EPHB1: variants seen among roughly 807,000 people sequenced by gnomAD.
The protein encoded by EPHB1 is ephrin type-B receptor 1.
EPHB1 carries 30 observed loss-of-function variants against 94.4 expected under a neutral mutation model. The observed-to-expected ratio is 0.32, with a 90% CI of 0.24 to 0.43. The LOEUF (loss-of-function observed/expected upper bound fraction) is 0.43. Ranked by LOEUF, EPHB1 falls within the 20% of genes least tolerant of loss-of-function variation. The pLI is 1.00. For missense variants in EPHB1, 1,055 were observed against 1,308.3 expected (o/e 0.81, Z 2.99); for synonymous variants, 522 against 489.1 (o/e 1.07, Z -0.89).
At chr3:135,251,224 G>C (rs1371755945) in intron 15 of EPHB1, among the ~76,000 whole-genome samples, 1 of 152,086 alleles carries the variant, frequency 6.6e-6, no homozygotes, top group Non-Finnish European at 1.5e-5. Context: ...CTGTCAAATA[G>C]ACAGCAAAAA....
At chr3:135,205,206 C>A (rs115327935) in intron 12 of EPHB1, among the ~76,000 whole-genome samples, 1,934 of 152,174 alleles carry the variant, frequency 0.013, 19 homozygotes, top group Non-Finnish European at 0.02. Context: ...CAACTGACTG[C>A]TAGTGACATT....
intron 12 of EPHB1, among the ~76,000 whole-genome samples, chr3:135,232,324 G>A (rs1284376891): frequency 6.6e-6 from 1 of 152,256 alleles, no homozygotes; most frequent in East Asian, 1.9e-4. Context: ...GCAGTAGACA[G>A]TGACTGTGGA....
At chr3:134,868,540 C>T (rs2037428953) in intron 1 of EPHB1, among the ~76,000 whole-genome samples, 1 of 152,116 alleles carries the variant, frequency 6.6e-6, no homozygotes, top group African/African-American at 2.4e-5. Flanking sequence ...TGATCTTAAT[C>T]TCCAGGCACA....
chr3:135,198,200 T>C (rs1489757843), intron 11 of EPHB1, among the ~76,000 whole-genome samples: 2 of 152,196 alleles, frequency 1.3e-5, no homozygotes. Context: ...CCATTACCAG[T>C]TGATCGGAGA....
intron 1 of EPHB1, among the ~76,000 whole-genome samples, chr3:134,811,252 T>TGTTTGTTTG (rs71637100): frequency 0.13 from 16,937 of 127,930 alleles, 2,866 homozygotes; most frequent in African/African-American, 0.37. Flanking sequence ...GTTTTTTTTT[T>TGTTTGTTTG]TTTTTTTTTT....
At chr3:134,883,381 A>C (rs1390193898) in intron 1 of EPHB1, among the ~76,000 whole-genome samples, 2 of 152,200 alleles carry the variant, frequency 1.3e-5, no homozygotes, top group Non-Finnish European at 2.9e-5. Context: ...ATTTGAACCC[A>C]GGCTGACCAA....
chr3:134,822,466 T>A (rs1578114164), intron 1 of EPHB1, among the ~76,000 whole-genome samples: 1 of 152,252 alleles, frequency 6.6e-6, no homozygotes, highest in Non-Finnish European at 1.5e-5. Flanking sequence ...TATATTTATT[T>A]ATTTTTCATT....
chr3:135,219,482 A>G (rs564878868), intron 12 of EPHB1, among the ~76,000 whole-genome samples: 27 of 152,016 alleles, frequency 1.8e-4, no homozygotes, highest in Non-Finnish European at 3.2e-4. Context: ...ATGCCAAGGA[A>G]TGTCAAGGTT....
intron 10 of EPHB1, among the ~76,000 whole-genome samples, chr3:135,185,722 G>C (rs116726532): frequency 2.6e-5 from 4 of 152,172 alleles, no homozygotes; most frequent in African/African-American, 4.8e-5. Flanking sequence ...GGGCTGTTGC[G>C]TATAGTTACA....
chr3:135,107,736 A>G (rs928203560), intron 4 of EPHB1, among the ~76,000 whole-genome samples: 1 of 152,194 alleles, frequency 6.6e-6, no homozygotes, highest in Non-Finnish European at 1.5e-5. Flanking sequence ...TTTACTGAGT[A>G]AAGAGGGGGA....
At chr3:135,188,795 C>T (rs190756993) in intron 10 of EPHB1, among the ~76,000 whole-genome samples, 249 of 152,298 alleles carry the variant, frequency 1.6e-3, no homozygotes, top group Non-Finnish European at 2.7e-3. Context: ...AACATAATCT[C>T]CTGGTGAGGA....
At chr3:134,933,477 G>A (rs2038941309) in intron 2 of EPHB1, among the ~76,000 whole-genome samples, 1 of 152,106 alleles carries the variant, frequency 6.6e-6, no homozygotes, top group African/African-American at 2.4e-5. Flanking sequence ...GGAAGGCCAG[G>A]GAGAAAGGCA....
At chr3:135,178,184 T>A (rs1344621831) in intron 9 of EPHB1, among the ~76,000 whole-genome samples, 2 of 145,978 alleles carry the variant, frequency 1.4e-5, no homozygotes, top group African/African-American at 5.2e-5. Flanking sequence ...CCAGGCGTGG[T>A]GACTCACACC....
chr3:135,205,932 T>C (rs1047304464), intron 12 of EPHB1, among the ~76,000 whole-genome samples: 1 of 152,124 alleles, frequency 6.6e-6, no homozygotes, highest in African/African-American at 2.4e-5. Context: ...TTTATAGAGT[T>C]TTTAAAAATG....
chr3:135,229,920 C>T (rs1460329267), intron 12 of EPHB1, among the ~76,000 whole-genome samples: 5 of 152,064 alleles, frequency 3.3e-5, no homozygotes, highest in African/African-American at 7.2e-5. Context: ...GAGACACATG[C>T]GAAAGGTGGA....
chr3:135,198,704 G>C (rs1199859780), intron 11 of EPHB1, among the ~76,000 whole-genome samples: 1 of 152,168 alleles, frequency 6.6e-6, no homozygotes, highest in Non-Finnish European at 1.5e-5. Context: ...CCGTTACTTA[G>C]GCTCTGCTGA....
In EPHB1 at chr3:134,833,681, G is replaced by C. The variant is rs1345777468; in HGVS notation, c.58+37992G>C. 2.0e-5 allele frequency among the ~76,000 whole-genome samples: 3 copies of C among 152,182 alleles called. No individual in the cohort carries two copies. In the East Asian group the frequency reaches 5.8e-4, roughly 29 times the overall value. ...CTGTGGGGCCCCAGGGTGGGGACTG[G>C]CCAGGCCTGAGGGTGTCTAGAGGAG... is the stretch of plus-strand genomic sequence containing the variant. On this transcript the variant is annotated intron_variant, in intron 1 of 15. Transcript: ENST00000398015.
intron 2 of EPHB1, among the ~76,000 whole-genome samples, chr3:134,928,819 C>T (rs1360523047): frequency 6.8e-6 from 1 of 147,792 alleles, no homozygotes; most frequent in Non-Finnish European, 1.5e-5. Flanking sequence ...TAGAACCTGA[C>T]CAGGAGACTG....
intron 14 of EPHB1, among the ~76,000 whole-genome samples, chr3:135,248,749 G>T (rs1252225214): frequency 6.6e-6 from 1 of 152,012 alleles, no homozygotes; most frequent in Non-Finnish European, 1.5e-5. Flanking sequence ...AACGAGTTTT[G>T]GGGATTTGAG....
Sources: allele counts gnomAD v4.1 joint callset (sites outside exome capture counted in the v4.1 genomes callset), GRCh38; gene constraint gnomAD v4.1.1; transcripts MANE v1.5; gene names NCBI Gene and HGNC (gene_info 2026-07-23, HGNC 2026-07-21).